The following KLHDC7A variants were observed in gnomAD, a reference collection of about 807,000 sequenced individuals.
KLHDC7A encodes the protein kelch domain-containing protein 7A.
For synonymous variants in KLHDC7A, 464 were observed against 461.0 expected (o/e 1.01, Z -0.08); for missense variants, 1,123 against 1,052.6 (o/e 1.07, Z -0.93).
Position 18,481,894 on chromosome 1 carries a change from A to G in KLHDC7A, c.913A>G (p.Arg305Gly). The stretch of plus-strand genomic sequence containing the variant: ...TACCTCTCAGGCCATCTTCCAGGGC[A>G]GGCTGGCTCCCAGGACAGCAGCCCT... ...ESTSQAIFQG[R>G]LAPRTAALTE... The change falls in exon 1 of 1, where the codon AGG (arginine) becomes GGG (glycine). Residue 305 changes from arginine to glycine, a missense_variant. By Grantham distance (125) the Arg-to-Gly change is moderately radical. Coordinates refer to ENST00000400664, the MANE Select transcript of KLHDC7A (RefSeq NM_152375.3). 1 of 1,613,522 alleles carries G rather than the reference A, an allele frequency of 6.2e-7. No homozygotes were observed. The highest frequency in any genetic ancestry group is 8.5e-7 in the Non-Finnish European group (1 of 1,179,782).
chr1:18,482,424 G>T lies in KLHDC7A; in HGVS notation c.1443G>T (p.Glu481Asp). The change falls in exon 1 of 1, where the codon GAG (glutamate) becomes GAT (aspartate). Residue 481 changes from glutamate (E) to aspartate (D), a missense_variant. Coordinates refer to ENST00000400664, the MANE Select transcript of KLHDC7A (RefSeq NM_152375.3). ...IYGCLSGAER[E>D]LILQRRLRGR... ...GGTGCCTGAGCGGGGCAGAGCGCGA[G>T]CTGATCCTGCAGCGCCGGCTCCGGG... 2 of 1,609,108 alleles carry T rather than the reference G, an allele frequency of 1.2e-6. No homozygotes were observed. The highest frequency in any genetic ancestry group is 1.7e-6 in the Non-Finnish European group (2 of 1,179,936).
In KLHDC7A at chr1:18,481,475, C is replaced by A; in HGVS notation, c.494C>A (p.Pro165Gln). ...CATTTCCCCCGCTTGGGCAGCGAAC[C>A]GAAGAGCTCCCCAGCTGGACTCATT... ...PPHFPRLGSE[P>Q]KSSPAGLIAA... Residue 165 changes from proline to glutamine, a missense_variant, in exon 1 of 1, where the codon CCG becomes CAG. By Grantham distance (76) the Pro-to-Gln change is moderately conservative (BLOSUM62 -1). Transcript: ENST00000400664. 6.2e-7 allele frequency: 1 copy of A among 1,613,612 alleles called. No homozygotes were observed. The highest frequency in any genetic ancestry group is 8.5e-7 in the Non-Finnish European group (1 of 1,180,024).
chr1:18,481,719 C>A lies in KLHDC7A; in HGVS notation c.738C>A (p.Asp246Glu), dbSNP rs1268148424. The change falls in exon 1 of 1, where the codon GAC becomes GAA. Residue 246 changes from aspartate (D) to glutamate (E), a missense_variant. Transcript: ENST00000400664. Reference protein sequence around the residue: ...AGALEAASDVDLTLHQQEGAP... With the variant: ...AGALEAASDVELTLHQQEGAP... ...CTCTCGAGGCTGCCTCCGATGTTGA[C>A]CTGACCCTGCATCAGCAGGAGGGCG... 1.2e-6 allele frequency: 2 copies of A among 1,614,092 alleles called. No individual in the cohort carries two copies. Among genetic ancestry groups the A allele is most frequent in the South Asian group, 2.2e-5 (2 of 91,084 alleles).
chr1:18,483,721 T>C lies in KLHDC7A; in HGVS notation c.*406T>C, dbSNP rs150824016. Reference sequence around the variant, plus strand: ...CCTCGCTAGTTGCTCTGGAGAGGGGTTGGCTCTCTGAGCCATCAGTGCCCC... The same window carrying C: ...CCTCGCTAGTTGCTCTGGAGAGGGGCTGGCTCTCTGAGCCATCAGTGCCCC... On this transcript the variant is annotated 3_prime_UTR_variant, in exon 1 of 1. Transcript: ENST00000400664. 5.6e-4 allele frequency: 668 copies of C among 1,193,144 alleles called. 2 individuals are homozygous for C. The African/African-American group carries it at 9.5e-3, about 17-fold the overall frequency. The allele number at this position is 1,193,144 out of a possible 1,614,324, so 73.9% of individuals were successfully genotyped here.
Position 18,481,552 on chromosome 1 carries a change from A to G in KLHDC7A, c.571A>G (p.Ser191Gly). 6.2e-7 allele frequency: 1 copy of G among 1,613,460 alleles called. No individual in the cohort carries two copies. Among genetic ancestry groups the G allele is most frequent in the Non-Finnish European group, 8.5e-7 (1 of 1,179,958 alleles). Residue 191 changes from serine (S) to glycine (G), a missense_variant, in exon 1 of 1, where the codon AGT becomes GGT. Physicochemically the swap from Ser to Gly is moderately conservative, Grantham distance 56. Coordinates refer to ENST00000400664, the MANE Select transcript of KLHDC7A (RefSeq NM_152375.3). Reference protein sequence around the residue: ...AGGEPSPWQDSKPREHPGLGQ... With the variant: ...AGGEPSPWQDGKPREHPGLGQ... Reference sequence around the variant, plus strand: ...TGGTGAGCCTTCTCCATGGCAGGACAGTAAACCCCGTGAGCATCCAGGACT... The same window carrying G: ...TGGTGAGCCTTCTCCATGGCAGGACGGTAAACCCCGTGAGCATCCAGGACT...
At position 18,483,847 on chromosome 1, in the gene KLHDC7A, A is replaced by G; in HGVS notation, c.*532A>G. On this transcript the variant is annotated 3_prime_UTR_variant, in exon 1 of 1. Coordinates refer to ENST00000400664, the MANE Select transcript of KLHDC7A (RefSeq NM_152375.3). ...GGCAGGTGACTTGGGCAGGGCCAGG[A>G]AGGAGCCGAGGGAGCCCCAGGGGCC... 1 of 1,249,284 alleles carries G rather than the reference A, an allele frequency of 8.0e-7. No homozygotes were observed. Among genetic ancestry groups the G allele is most frequent in the African/African-American group, 1.6e-5 (1 of 64,082 alleles). The allele number at this position is 1,249,284 out of a possible 1,614,324, so 77.4% of individuals were successfully genotyped here.
chr1:18,482,175 A>C lies in KLHDC7A; in HGVS notation c.1194A>C (p.Leu398Phe). 1.2e-6 allele frequency: 2 copies of C among 1,611,360 alleles called. No homozygotes were observed. Among genetic ancestry groups the C allele is most frequent in the Non-Finnish European group, 1.7e-6 (2 of 1,179,822 alleles). ...PCPDPGALPG[L>F]GRSSREPHVQ... ...CAGACCCGGGCGCCCTGCCTGGCTT[A>C]GGCAGAAGCAGCCGGGAGCCCCATG... Residue 398 changes from leucine (L) to phenylalanine (F), a missense_variant, in exon 1 of 1, where the codon TTA (leucine) becomes TTC (phenylalanine). Coordinates refer to ENST00000400664, the MANE Select transcript of KLHDC7A (RefSeq NM_152375.3).
rs1195913198 is a variant in KLHDC7A, at chr1:18,485,956, T to TA, written c.*2642dup. 3.1e-5 allele frequency: 5 copies of TA among 161,534 alleles called. No individual in the cohort carries two copies. The highest frequency in any genetic ancestry group is 1.3e-4 in the African/African-American group (5 of 39,240). The allele number at this position is 161,534 out of a possible 1,614,324, so 10.0% of individuals were successfully genotyped here. A position where few individuals can be genotyped will look rare whatever the true frequency, so the allele number is the denominator to read the frequency against. Reference sequence around the variant, plus strand: ...ATTAAAAGTATACAAGTTGCTTTGTTACAATAAAACTAAATATGTACACAC... The same window carrying TA: ...ATTAAAAGTATACAAGTTGCTTTGTTAACAATAAAACTAAATATGTACACAC... On this transcript the variant is annotated 3_prime_UTR_variant, in exon 1 of 1. Transcript: ENST00000400664.
rs776138308 is a variant in KLHDC7A at position 18,481,417 on chromosome 1, A to C, written c.436A>C (p.Arg146=). 4 of 1,613,870 alleles carry C rather than the reference A, an allele frequency of 2.5e-6. No individual in the cohort carries two copies. Among genetic ancestry groups the C allele is most frequent in the Non-Finnish European group, 3.4e-6 (4 of 1,179,998 alleles). ...TCCTTGCTGCCCCAGCCAGGAAACC[A>C]GAACAGCTGTTGGCAGTAACCCTGA... is the stretch of plus-strand genomic sequence containing the variant. ...VPPCCPSQET[R]TAVGSNPDPP... is the part of the protein sequence containing the mutation. Residue 146 remains arginine (R), a synonymous_variant, in exon 1 of 1, where the codon AGA becomes CGA. Transcript: ENST00000400664.
Position 18,482,062 on chromosome 1 carries a change from A to G in KLHDC7A, c.1081A>G (p.Ser361Gly), listed in dbSNP as rs1160771581. The stretch of plus-strand genomic sequence containing the variant: ...GCCGTGGCCCTCCACCCGAGGCTTC[A>G]GCCGGAAGGAGAGCCTTCTGCAGAT... ...TGPWPSTRGFSRKESLLQIAE... is the reference protein window; with the variant it reads ...TGPWPSTRGFGRKESLLQIAE... Residue 361 changes from serine (S) to glycine (G), a missense_variant, in exon 1 of 1, where the codon AGC (serine) becomes GGC (glycine). Coordinates refer to ENST00000400664, the MANE Select transcript of KLHDC7A (RefSeq NM_152375.3). 3 of 1,612,584 alleles carry G rather than the reference A, an allele frequency of 1.9e-6. No homozygotes were observed. Among genetic ancestry groups the G allele is most frequent in the Admixed American group, 1.7e-5 (1 of 59,976 alleles).
Position 18,482,591 on chromosome 1 carries a change from G to A in KLHDC7A, c.1610G>A (p.Ser537Asn), listed in dbSNP as rs2086903669. ...EAVSRGCAIC[S>N]LFNYLFVVSG... ...GTGTCCCGGGGCTGTGCCATCTGCA[G>A]TCTCTTCAATTATCTCTTCGTGGTG... The change falls in exon 1 of 1, where the codon AGT becomes AAT. Residue 537 changes from serine (S) to asparagine (N), a missense_variant. Transcript: ENST00000400664. 6.2e-7 allele frequency: 1 copy of A among 1,611,534 alleles called. No individual in the cohort carries two copies. Among genetic ancestry groups the A allele is most frequent in the Admixed American group, 1.7e-5 (1 of 60,016 alleles).
chr1:18,483,321 C>G lies in KLHDC7A; in HGVS notation c.*6C>G. The G allele has an allele frequency of 6.2e-7, 1 of 1,607,772 alleles. No homozygotes were observed. Among genetic ancestry groups the G allele is most frequent in the Non-Finnish European group, 8.5e-7 (1 of 1,176,356 alleles). ...TGCCTCAGACCAGGGTCTAGCAGTC[C>G]CTCAACTGAGCTCCTCATGCAAAGC... On this transcript the variant is annotated 3_prime_UTR_variant, in exon 1 of 1. Coordinates refer to ENST00000400664, the MANE Select transcript of KLHDC7A (RefSeq NM_152375.3).
chr1:18,483,106 C>T lies in KLHDC7A; in HGVS notation c.2125C>T (p.Arg709Trp), dbSNP rs374396134. The T allele has an allele frequency of 2.0e-5, 33 of 1,613,774 alleles. No homozygotes were observed. The Admixed American group carries it at 3.5e-4, about 17-fold the overall frequency. Residue 709 changes from arginine to tryptophan, a missense_variant, in exon 1 of 1, where the codon CGG becomes TGG. Coordinates refer to ENST00000400664, the MANE Select transcript of KLHDC7A (RefSeq NM_152375.3). The part of the protein sequence containing the change: ...TRLWYECATY[R>W]TPYPDAFQCA... ...GCTCTGGTACGAGTGCGCCACGTAC[C>T]GGACGCCTTACCCGGATGCCTTCCA...
At position 18,481,882 on chromosome 1, in the gene KLHDC7A, A is replaced by G; in HGVS notation, c.901A>G (p.Ile301Val). 1 of 1,613,694 alleles carries G rather than the reference A, an allele frequency of 6.2e-7. No individual in the cohort carries two copies. The change falls in exon 1 of 1, where the codon ATC becomes GTC. Residue 301 changes from isoleucine to valine, a missense_variant. Ile to Val is a conservative substitution (Grantham distance 29). Coordinates refer to ENST00000400664, the MANE Select transcript of KLHDC7A (RefSeq NM_152375.3). ...DYYVESTSQAIFQGRLAPRTA... is the reference protein window; with the variant it reads ...DYYVESTSQAVFQGRLAPRTA... ...CTATGTGGAATCTACCTCTCAGGCC[A>G]TCTTCCAGGGCAGGCTGGCTCCCAG...
chr1:18,482,198 A>C lies in KLHDC7A; in HGVS notation c.1217A>C (p.His406Pro). ...TTAGGCAGAAGCAGCCGGGAGCCCC[A>C]TGTGCAGCCGGTGGCCGGGACCAAT... ...PGLGRSSREP[H>P]VQPVAGTNFF... The change falls in exon 1 of 1, where the codon CAT (histidine) becomes CCT (proline). Residue 406 changes from histidine (H) to proline (P), a missense_variant. Physicochemically the swap from His to Pro is moderately conservative, Grantham distance 77. Coordinates refer to ENST00000400664, the MANE Select transcript of KLHDC7A (RefSeq NM_152375.3). 3.7e-6 allele frequency: 6 copies of C among 1,610,906 alleles called. No homozygotes were observed. Among genetic ancestry groups the C allele is most frequent in the Non-Finnish European group, 5.1e-6 (6 of 1,179,878 alleles).
chr1:18,481,260 G>T lies in KLHDC7A; in HGVS notation c.279G>T (p.Gln93His). The T allele has an allele frequency of 6.3e-7, 1 of 1,586,200 alleles. No homozygotes were observed. Among genetic ancestry groups the T allele is most frequent in the Non-Finnish European group, 8.6e-7 (1 of 1,166,556 alleles). Reference sequence around the variant, plus strand: ...GCAGCAAGCGGGCTGAAGCACCACAGGGCTGCAGCTGTGAGAATCCAAGAG... The same window carrying T: ...GCAGCAAGCGGGCTGAAGCACCACATGGCTGCAGCTGTGAGAATCCAAGAG... ...RRSSKRAEAP[Q>H]GCSCENPRGP... The change falls in exon 1 of 1, where the codon CAG becomes CAT. Residue 93 changes from glutamine to histidine, a missense_variant. By Grantham distance (24) the Gln-to-His change is conservative (BLOSUM62 0). Transcript: ENST00000400664.
chr1:18,481,394 C>T lies in KLHDC7A; in HGVS notation c.413C>T (p.Pro138Leu). The T allele has an allele frequency of 2.5e-6, 4 of 1,613,118 alleles. No individual in the cohort carries two copies. Among genetic ancestry groups the T allele is most frequent in the Non-Finnish European group, 3.4e-6 (4 of 1,179,638 alleles). The part of the protein sequence containing the change: ...GQGSDSEQVP[P>L]CCPSQETRTA... ...GGCTCGGACTCTGAGCAGGTGCCTC[C>T]TTGCTGCCCCAGCCAGGAAACCAGA... The change falls in exon 1 of 1, where the codon CCT (proline) becomes CTT (leucine). Residue 138 changes from proline to leucine, a missense_variant. Physicochemically the swap from Pro to Leu is moderately conservative, Grantham distance 98. Transcript: ENST00000400664.
rs1406331660 is a variant in KLHDC7A at position 18,481,490 on chromosome 1, C to T, written c.509C>T (p.Ala170Val). 1.2e-6 allele frequency: 2 copies of T among 1,613,474 alleles called. No homozygotes were observed. Among genetic ancestry groups the T allele is most frequent in the Admixed American group, 1.7e-5 (1 of 60,006 alleles). ...GGCAGCGAACCGAAGAGCTCCCCAG[C>T]TGGACTCATTGCAGCAGCCGACGGC... ...RLGSEPKSSP[A>V]GLIAAADGSC... The change falls in exon 1 of 1, where the codon GCT (alanine) becomes GTT (valine). Residue 170 changes from alanine (A) to valine (V), a missense_variant. Transcript: ENST00000400664.
At position 18,481,873 on chromosome 1, in the gene KLHDC7A, T is replaced by C. The variant is rs758009889; in HGVS notation, c.892T>C (p.Ser298Pro). Residue 298 changes from serine to proline, a missense_variant, in exon 1 of 1, where the codon TCT (serine) becomes CCT (proline). Coordinates refer to ENST00000400664, the MANE Select transcript of KLHDC7A (RefSeq NM_152375.3). ...GTACGACTACTATGTGGAATCTACC[T>C]CTCAGGCCATCTTCCAGGGCAGGCT... ...KVYDYYVEST[S>P]QAIFQGRLAP... 3.1e-6 allele frequency: 5 copies of C among 1,613,650 alleles called. No homozygotes were observed. The highest frequency in any genetic ancestry group is 2.7e-5 in the African/African-American group (2 of 74,918).
Sources: gnomAD v4.1 joint callset for allele counts on GRCh38, gnomAD v4.1.1 for gene constraint, MANE v1.5 for transcripts, NCBI Gene and HGNC (gene_info 2026-07-23, HGNC 2026-07-21) for gene names.